ADAM32: variants seen among roughly 807,000 people sequenced by gnomAD.
ADAM32 encodes disintegrin and metalloproteinase domain-containing protein 32.
A neutral mutation model predicts 114.9 loss-of-function variants in ADAM32; 89 were observed. The observed-to-expected ratio is 0.77, with a 90% CI of 0.65 to 0.92. The LOEUF (loss-of-function observed/expected upper bound fraction) is 0.92. Ranked by LOEUF, ADAM32 falls within the 40% of genes least tolerant of loss-of-function variation. The probability of loss-of-function intolerance (pLI) is 0.00; values close to 1 mark genes in which losing one functional copy is unlikely to be tolerated. For missense variants in ADAM32, 870 were observed against 932.8 expected (o/e 0.93, Z 0.88); for synonymous variants, 285 against 307.5 (o/e 0.93, Z 0.77).
At chr8:39,233,490 C>T (rs116802023) in intron 15 of ADAM32, among the ~76,000 whole-genome samples, 5,826 of 152,214 alleles carry the variant, frequency 0.038, 388 homozygotes, top group African/African-American at 0.13. Context: ...TCACTTTCAT[C>T]GCCATCTTGG....
intron 19 of ADAM32, among the ~76,000 whole-genome samples, chr8:39,267,665 A>G (rs1464602514): frequency 1.3e-5 from 2 of 152,180 alleles, no homozygotes; most frequent in African/African-American, 4.8e-5. Context: ...TTGCCATGAG[A>G]GCACCCCAAA....
chr8:39,230,636 T>C (rs1025410661), intron 14 of ADAM32, among the ~76,000 whole-genome samples: 2 of 152,176 alleles, frequency 1.3e-5, no homozygotes, highest in African/African-American at 2.4e-5. Flanking sequence ...TGAACTAGCA[T>C]TGCCTATCCT....
At chr8:39,125,977 T>G (rs4335097) in intron 2 of ADAM32, among the ~76,000 whole-genome samples, 78,336 of 152,014 alleles carry the variant, frequency 0.52, 21,287 homozygotes, top group Non-Finnish European at 0.6. Context: ...GTTGTAGGCA[T>G]GCGGTCTTAT....
rs1807916225 is a variant in ADAM32, at chr8:39,207,408, T to C, written c.1053-3736T>C. 2.0e-5 allele frequency among the ~76,000 whole-genome samples: 3 copies of C among 152,210 alleles called. No individual in the cohort carries two copies. The South Asian group carries it at 6.2e-4, about 32-fold the overall frequency. On this transcript the variant is annotated intron_variant, in intron 11 of 24. Coordinates refer to ENST00000379907, the MANE Select transcript of ADAM32 (RefSeq NM_145004.7). Reference sequence around the variant, plus strand: ...GACAACTCATGTCTTTTTTTATTCATACATTTTAAAAATTTATAATGGACC... The same window carrying C: ...GACAACTCATGTCTTTTTTTATTCACACATTTTAAAAATTTATAATGGACC...
chr8:39,147,294 A>G (rs766122054), intron 4 of ADAM32, 89 bp downstream of exon 4: 22 of 530,590 alleles, frequency 4.1e-5, no homozygotes, highest in Non-Finnish European at 5.4e-5. Context: ...CTCAAGATTC[A>G]CAGGGGATAT....
chr8:39,141,752 C>T (rs561366031), intron 3 of ADAM32, among the ~76,000 whole-genome samples: 18 of 152,156 alleles, frequency 1.2e-4, no homozygotes, highest in African/African-American at 2.2e-4. Context: ...CCTTGTTAAC[C>T]TTCTGTCTTG....
chr8:39,221,822 G>T, intron 13 of ADAM32, 120 bp downstream of exon 13: 3 of 647,400 alleles, frequency 4.6e-6, no homozygotes, highest in Non-Finnish European at 7.2e-6. Context: ...TAAAGAGAAA[G>T]ATAATAAATT....
intron 11 of ADAM32, among the ~76,000 whole-genome samples, chr8:39,199,316 T>C (rs1475316397): frequency 4.6e-5 from 7 of 152,216 alleles, no homozygotes; most frequent in Admixed American, 3.9e-4. Context: ...CCTTTACGTC[T>C]CTTCTCCTTC....
intron 1 of ADAM32, among the ~76,000 whole-genome samples, chr8:39,112,456 T>A (rs56276963): frequency 6.6e-6 from 1 of 152,012 alleles, no homozygotes; most frequent in Non-Finnish European, 1.5e-5. Flanking sequence ...AAGGCTTCCC[T>A]TGGTACAATG....
chr8:39,125,341 C>A (rs766442169), intron 2 of ADAM32, among the ~76,000 whole-genome samples: 3 of 151,964 alleles, frequency 2.0e-5, no homozygotes, highest in Non-Finnish European at 4.4e-5. Context: ...CTGGTTTCTC[C>A]TTGTTGGCAT....
intron 19 of ADAM32, among the ~76,000 whole-genome samples, chr8:39,262,296 G>A (rs1812086402): frequency 6.6e-6 from 1 of 151,588 alleles, no homozygotes; most frequent in Non-Finnish European, 1.5e-5. Flanking sequence ...GCTATTTAAT[G>A]AAGAGACTGC....
rs770253316 is a variant in ADAM32 at position 39,257,231 on chromosome 8, C to T, written c.2050C>T (p.Leu684Phe). 2.5e-6 allele frequency: 4 copies of T among 1,611,298 alleles called. No individual in the cohort carries two copies. Among genetic ancestry groups the T allele is most frequent in the Non-Finnish European group, 3.4e-6 (4 of 1,178,626 alleles). The change falls in exon 19 of 25, where the codon CTT becomes TTT. Residue 684 changes from leucine (L) to phenylalanine (F), a missense_variant. By Grantham distance (22) the Leu-to-Phe change is conservative (BLOSUM62 0). Transcript: ENST00000379907. The part of the protein sequence containing the change: ...RASGKTENTW[L>F]LGFLIALPIL... ...ATCTGGGAAGACTGAAAACACCTGG[C>T]TTCTAGGTTTCCTCATTGCTCTTCC... is the stretch of plus-strand genomic sequence containing the variant.
chr8:39,221,674 A>T lies in ADAM32; in HGVS notation c.1298A>T (p.Tyr433Phe). Residue 433 changes from tyrosine (Y) to phenylalanine (F), a missense_variant, in exon 13 of 25, where the codon TAT (tyrosine) becomes TTT (phenylalanine). By Grantham distance (22) the Tyr-to-Phe change is conservative. Transcript: ENST00000379907. Reference protein sequence around the residue: ...TCVLKDGAKCYKGLCCKDCQI... With the variant: ...TCVLKDGAKCFKGLCCKDCQI... Reference sequence around the variant, plus strand: ...GTACTGAAAGACGGAGCAAAATGTTATAAAGGACTGTGCTGCAAAGACTGT... The same window carrying T: ...GTACTGAAAGACGGAGCAAAATGTTTTAAAGGACTGTGCTGCAAAGACTGT... 6.2e-7 allele frequency: 1 copy of T among 1,611,950 alleles called. No homozygotes were observed.
In ADAM32 at chr8:39,257,217, C is replaced by A; in HGVS notation, c.2036C>A (p.Thr679Asn). 6.2e-7 allele frequency: 1 copy of A among 1,605,604 alleles called. No homozygotes were observed. Among genetic ancestry groups the A allele is most frequent in the Non-Finnish European group, 8.5e-7 (1 of 1,175,686 alleles). The change falls in exon 19 of 25, where the codon ACT becomes AAT. Residue 679 changes from threonine (T) to asparagine (N), a missense_variant. Physicochemically the swap from Thr to Asn is moderately conservative, Grantham distance 65 (BLOSUM62 0). Transcript: ENST00000379907. ...GSIMERASGKTENTWLLGFLI... is the reference protein window; with the variant it reads ...GSIMERASGKNENTWLLGFLI... ...ATCATGGAAAGAGCATCTGGGAAGA[C>A]TGAAAACACCTGGCTTCTAGGTTTC...
Position 39,149,828 on chromosome 8 carries a change from C to A in ADAM32, c.314C>A (p.Pro105Gln), listed in dbSNP as rs1803713641. Residue 105 changes from proline to glutamine, a missense_variant, in exon 5 of 25, where the codon CCA (proline) becomes CAA (glutamine). Coordinates refer to ENST00000379907, the MANE Select transcript of ADAM32 (RefSeq NM_145004.7). ...CYYQGNIEGY[P>Q]DSMVTLSTCS... ...TATCAAGGAAATATTGAAGGATATCCAGATTCCATGGTCACACTCAGCACG... is the reference window on the plus strand; with the variant it reads ...TATCAAGGAAATATTGAAGGATATCAAGATTCCATGGTCACACTCAGCACG... 1 of 1,611,858 alleles carries A rather than the reference C, an allele frequency of 6.2e-7. No individual in the cohort carries two copies. Among genetic ancestry groups the A allele is most frequent in the Non-Finnish European group, 8.5e-7 (1 of 1,178,718 alleles).
intron 16 of ADAM32, among the ~76,000 whole-genome samples, chr8:39,237,372 G>A (rs755397269): frequency 4.7e-5 from 7 of 149,542 alleles, no homozygotes; most frequent in Admixed American, 1.3e-4. Context: ...GATGTGGTGG[G>A]GTGAACAAGA....
chr8:39,231,986 C>A (rs758832109), intron 14 of ADAM32, 41 bp from the exon 15 acceptor site: 2 of 1,473,526 alleles, frequency 1.4e-6, no homozygotes, highest in Admixed American at 1.8e-5. Flanking sequence ...GATGAAAAAC[C>A]AATAAACATT....
At chr8:39,249,061 G>T (rs1313053468) in intron 17 of ADAM32, among the ~76,000 whole-genome samples, 1 of 151,684 alleles carries the variant, frequency 6.6e-6, no homozygotes, top group East Asian at 1.9e-4. Context: ...CTGCCACCAT[G>T]CCCGGATAAT....
chr8:39,195,155 T>C (rs185465515), intron 11 of ADAM32, among the ~76,000 whole-genome samples: 3 of 152,324 alleles, frequency 2.0e-5, no homozygotes, highest in Admixed American at 2.0e-4. Flanking sequence ...TCTGCTCTTA[T>C]TGCCTTCTCT....
Sources: allele counts gnomAD v4.1 joint callset (sites outside exome capture counted in the v4.1 genomes callset), GRCh38; gene constraint gnomAD v4.1.1; transcripts MANE v1.5; gene names NCBI Gene and HGNC (gene_info 2026-07-23, HGNC 2026-07-21).